COLGALT1: variants seen among roughly 807,000 people sequenced by gnomAD.
The protein encoded by COLGALT1 is collagen beta(1-O)galactosyltransferase 1.
Under a neutral mutation model 60.8 loss-of-function variants are expected in COLGALT1, and 43 were observed. The observed-to-expected ratio is 0.71, with a 90% confidence interval of 0.55 to 0.91. The LOEUF is 0.91. Ranked by LOEUF, COLGALT1 falls within the 40% of genes least tolerant of loss-of-function variation. The pLI is 0.00. For missense variants in COLGALT1, 845 were observed against 880.0 expected (o/e 0.96, Z 0.50); for synonymous variants, 369 against 374.2 (o/e 0.99, Z 0.16).
At position 17,577,304 on chromosome 19, in the gene COLGALT1, G is replaced by A. The variant is rs755194427; in HGVS notation, c.1026+33G>A. 1.9e-6 allele frequency: 3 copies of A among 1,611,152 alleles called. No homozygotes were observed. The Admixed American group carries it at 5.0e-5, about 27-fold the overall frequency. On this transcript the variant is annotated intron_variant, in intron 7 of 11. Transcript: ENST00000252599. ...GGGCCTTCCCTGGAGGCGGGGCGGG[G>A]GCTGGAGGGCCCTTGTTTGCAGGGG...
intron 8 of COLGALT1, 67 bp downstream of exon 8, chr19:17,577,534 A>G: frequency 9.8e-6 from 13 of 1,327,878 alleles, no homozygotes; most frequent in Non-Finnish European, 1.3e-5. Flanking sequence ...CCTCGCTGGT[A>G]GACGGCAAGT....
chr19:17,557,948 AT>A (rs996891669), intron 1 of COLGALT1, among the ~76,000 whole-genome samples: 2 of 151,096 alleles, frequency 1.3e-5, no homozygotes, highest in East Asian at 2.0e-4. Context: ...TTATTTATTT[AT>A]TTTTTGAGAC....
chr19:17,555,938 G>C lies in COLGALT1; in HGVS notation c.225G>C (p.Glu75Asp). 7.2e-7 allele frequency: 1 copy of C among 1,391,564 alleles called. No individual in the cohort carries two copies. The highest frequency in any genetic ancestry group is 9.3e-7 in the Non-Finnish European group (1 of 1,072,312). The allele number at this position is 1,391,564 out of a possible 1,614,324, so 86.2% of individuals were successfully genotyped here. Residue 75 changes from glutamate (E) to aspartate (D), a missense_variant, in exon 1 of 12, where the codon GAG (glutamate) becomes GAC (aspartate). Physicochemically the swap from Glu to Asp is conservative, Grantham distance 45. Transcript: ENST00000252599. ...HALPTTLGAL[E>D]RLRHPRERTA... is the part of the protein sequence containing the mutation. ...TGCCCACCACGCTGGGCGCACTCGA[G>C]CGGCTGCGGCACCCGCGGGAGCGCA... is the stretch of plus-strand genomic sequence containing the variant.
At chr19:17,580,966 G>C in intron 11 of COLGALT1, 61 bp downstream of exon 11, 1 of 1,582,944 alleles carries the variant, frequency 6.3e-7, no homozygotes, top group Middle Eastern at 1.7e-4. Context: ...TGGGAGAATG[G>C]GGATGTGAGA....
In COLGALT1 at chr19:17,578,089, G is replaced by A; in HGVS notation, c.1266G>A (p.Glu422=). 6.2e-7 allele frequency: 1 copy of A among 1,603,630 alleles called. No homozygotes were observed. Among genetic ancestry groups the A allele is most frequent in the Non-Finnish European group, 8.5e-7 (1 of 1,175,162 alleles). The change falls in exon 9 of 12, where the codon GAG becomes GAA. Residue 422 remains glutamate (E), a splice_region_variant and synonymous_variant. Transcript: ENST00000252599. ...CFLSHYNIWK[E]VVDRGLQKSL... ...TGAGCCACTACAACATCTGGAAGGA[G>A]GTGTGTCCTGAGTGATGGGCGGGGC...
intron 5 of COLGALT1, among the ~76,000 whole-genome samples, chr19:17,569,093 G>T (rs1345229007): frequency 6.6e-6 from 1 of 152,050 alleles, no homozygotes; most frequent in South Asian, 2.1e-4. Context: ...GCCGGACGTG[G>T]TGGTGCTACT....
rs2076274733 is a variant in COLGALT1 at position 17,565,437 on chromosome 19, G to A, written c.490-1969G>A. ...CTGCCTTGGCATCCCAAAGTGCTAG[G>A]ATTACAGGTGTGAGCCACTGCACCC... On this transcript the variant is annotated intron_variant, in intron 3 of 11. Coordinates refer to ENST00000252599, the MANE Select transcript of COLGALT1 (RefSeq NM_024656.4). 2.0e-5 allele frequency among the ~76,000 whole-genome samples: 3 copies of A among 152,122 alleles called. No homozygotes were observed. In the South Asian group the frequency reaches 6.2e-4, roughly 32 times the overall value.
rs2076285992 is a variant in COLGALT1 at position 17,567,443 on chromosome 19, C to T, written c.527C>T (p.Thr176Ile). Residue 176 changes from threonine (T) to isoleucine (I), a missense_variant, in exon 4 of 12, where the codon ACA becomes ATA. Physicochemically the swap from Thr to Ile is moderately conservative, Grantham distance 89. Transcript: ENST00000252599. The stretch of plus-strand genomic sequence containing the variant: ...GACAACCTGATCCTCAACCCTGACA[C>T]ACTGAGCCTGCTCATCGCTGAGAAC... Reference protein sequence around the residue: ...DADNLILNPDTLSLLIAENKT... With the variant: ...DADNLILNPDILSLLIAENKT... 4 of 1,613,916 alleles carry T rather than the reference C, an allele frequency of 2.5e-6. No homozygotes were observed.
intron 6 of COLGALT1, 190 bp from the exon 7 acceptor site, chr19:17,577,005 T>TAGAGGCAGGACTGG: frequency 3.1e-6 from 1 of 323,138 alleles, no homozygotes; most frequent in Non-Finnish European, 5.7e-6. Context: ...GCCAGGGCTT[T>TAGAGGCAGGACTGG]GGGCTGCTGT....
Position 17,567,544 on chromosome 19 carries a change from G to T in COLGALT1, c.624+4G>T, listed in dbSNP as rs371974597. 2.0e-5 allele frequency: 33 copies of T among 1,611,752 alleles called. No homozygotes were observed. The highest frequency in any genetic ancestry group is 2.8e-5 in the Non-Finnish European group (33 of 1,178,990). ...CTGGTGTGGAATGACTTCCCAGGTA[G>T]AGTGAGGGCCTGGGGACTGTGGGGA... is the stretch of plus-strand genomic sequence containing the variant. On this transcript the variant is annotated splice_donor_region_variant and intron_variant, in intron 4 of 11. Transcript: ENST00000252599.
intron 5 of COLGALT1, 24 bp from the exon 6 acceptor site, chr19:17,572,459 C>G: frequency 3.1e-6 from 5 of 1,613,868 alleles, no homozygotes; most frequent in Non-Finnish European, 4.2e-6. Flanking sequence ...TTACATTTGT[C>G]TGTTGCTTCC....
Position 17,559,415 on chromosome 19 carries a change from A to G in COLGALT1, c.365A>G (p.Glu122Gly), listed in dbSNP as rs1260496310. 6.4e-7 allele frequency: 1 copy of G among 1,550,918 alleles called. No homozygotes were observed. The highest frequency in any genetic ancestry group is 8.7e-7 in the Non-Finnish European group (1 of 1,146,470). Residue 122 changes from glutamate to glycine, a missense_variant, in exon 2 of 12, where the codon GAG (glutamate) becomes GGG (glycine). By Grantham distance (98) the Glu-to-Gly change is moderately conservative. Coordinates refer to ENST00000252599, the MANE Select transcript of COLGALT1 (RefSeq NM_024656.4). ...YHSVEWRPAE[E>G]PRSYPDEEGP... is the part of the protein sequence containing the mutation. ...TCCGTGGAGTGGCGGCCAGCAGAGG[A>G]GCCCAGGTGAGCATCTTTCCCCTGC...
Position 17,579,576 on chromosome 19 carries a change from A to AT in COLGALT1, c.1362dup (p.Val455CysfsTer59). ...AGACGTCTGATGAACCTCATGCGGG[A>AT]TGTGGAGCGGGAGGGCCTGGACTGG... On this transcript the variant is annotated frameshift_variant, in exon 10 of 12. Coordinates refer to ENST00000252599, the MANE Select transcript of COLGALT1 (RefSeq NM_024656.4). LOFTEE classifies it high-confidence loss of function. 1 of 1,426,066 alleles carries AT rather than the reference A, an allele frequency of 7.0e-7. No homozygotes were observed. Among genetic ancestry groups the AT allele is most frequent in the Non-Finnish European group, 9.4e-7 (1 of 1,062,660 alleles). 88.3% of individuals were successfully genotyped at this position (1,426,066 alleles called of 1,614,324 possible). A position where few individuals can be genotyped will look rare whatever the true frequency, so the allele number is the denominator to read the frequency against.
intron 6 of COLGALT1, among the ~76,000 whole-genome samples, chr19:17,574,283 C>T (rs938381510): frequency 1.3e-4 from 20 of 151,762 alleles, no homozygotes; most frequent in Non-Finnish European, 2.8e-4. Context: ...GCGGCTCCCC[C>T]TGGTGGCTCA....
chr19:17,580,996 T>C (rs573495169), intron 11 of COLGALT1, 91 bp downstream of exon 11: 1 of 1,492,766 alleles, frequency 6.7e-7, no homozygotes, highest in Non-Finnish European at 9.2e-7. Context: ...TCCGAGAAGA[T>C]GTCTCTTCTT....
At chr19:17,558,266 G>T (rs1188260723) in intron 1 of COLGALT1, among the ~76,000 whole-genome samples, 3 of 151,226 alleles carry the variant, frequency 2.0e-5, no homozygotes, top group Non-Finnish European at 4.4e-5. Context: ...GTAGAGATGG[G>T]GTTTCGCCAT....
chr19:17,572,652 C>T (rs780454832), intron 6 of COLGALT1, 50 bp downstream of exon 6: 7 of 1,608,732 alleles, frequency 4.4e-6, no homozygotes, highest in Admixed American at 1.7e-5. Context: ...GCCTCCCTTT[C>T]ACTGATGTCT....
At chr19:17,579,829 C>G in intron 10 of COLGALT1, 2 of 590,626 alleles carry the variant, frequency 3.4e-6, no homozygotes, top group Non-Finnish European at 5.9e-6. Flanking sequence ...GTGGCCACAG[C>G]GCTGCAGCTG....
intron 10 of COLGALT1, chr19:17,580,367 G>C: frequency 1.0e-5 from 4 of 390,888 alleles, no homozygotes; most frequent in South Asian, 2.9e-5. Flanking sequence ...ATTCCTGACT[G>C]CCCCCCCATC....
Sources: gnomAD v4.1 joint callset for allele counts (sites outside exome capture counted in the v4.1 genomes callset) on GRCh38, gnomAD v4.1.1 for gene constraint, MANE v1.5 for transcripts, NCBI Gene and HGNC (gene_info 2026-07-23, HGNC 2026-07-21) for gene names.